Variants in ESYT2 observed in about 807,000 individuals in gnomAD.
The protein encoded by ESYT2 is extended synaptotagmin-2.
ESYT2 carries 54 observed loss-of-function variants against 107.2 expected under a neutral mutation model. That is an observed-to-expected ratio of 0.50 (90% CI 0.40 to 0.63). ESYT2 has a LOEUF of 0.63. Ranked by LOEUF, ESYT2 falls within the 30% of genes least tolerant of loss-of-function variation. The probability of loss-of-function intolerance (pLI) is 0.00; values close to 1 mark genes in which losing one functional copy is unlikely to be tolerated. For missense variants in ESYT2, 1,020 were observed against 1,094.5 expected (o/e 0.93, Z 0.96); for synonymous variants, 491 against 434.1 (o/e 1.13, Z -1.63).
In ESYT2 at chr7:158,754,192, GTTTTGT is replaced by G. The variant is rs555739643; in HGVS notation, c.1420-1355_1420-1350del. On this transcript the variant is annotated intron_variant, in intron 13 of 22. Coordinates refer to ENST00000275418, the MANE Select transcript of ESYT2 (RefSeq NM_001367773.1). The stretch of plus-strand genomic sequence containing the variant: ...GCAGTGGGAGCCACCTGTGTTTTTT[GTTTTGT>G]TTTTATTTATTTATTATTTATATTT... Among the ~76,000 whole-genome samples, 1,154 of 152,004 alleles carry G rather than the reference GTTTTGT, an allele frequency of 7.6e-3. 19 individuals carry two copies. The highest frequency in any genetic ancestry group is 0.026 in the African/African-American group (1,088 of 41,436).
intron 20 of ESYT2, among the ~76,000 whole-genome samples, chr7:158,736,374 T>C (rs1836950665): frequency 6.6e-6 from 1 of 152,226 alleles, no homozygotes; most frequent in East Asian, 1.9e-4. Context: ...ATTATTATCA[T>C]TTCCCAAAAC....
chr7:158,751,883 A>G (rs961840213), intron 14 of ESYT2, among the ~76,000 whole-genome samples: 3 of 152,216 alleles, frequency 2.0e-5, no homozygotes, highest in African/African-American at 7.2e-5. Context: ...TCTGGAGGGC[A>G]CAGTTATTTC....
chr7:158,748,572 C>T (rs2788469), intron 15 of ESYT2, among the ~76,000 whole-genome samples: 104,615 of 151,578 alleles, frequency 0.69, 37,388 homozygotes, highest in Non-Finnish European at 0.78. Context: ...CGTGGCCTGG[C>T]CTCGGTTCTG....
At chr7:158,773,469 GTTTC>G (rs1351734573) in intron 6 of ESYT2, 73 bp from the exon 7 acceptor site, 2 of 1,487,762 alleles carry the variant, frequency 1.3e-6, no homozygotes, top group Non-Finnish European at 1.9e-6. Context: ...ACACAGGCTT[GTTTC>G]TTTGTAGACA....
At chr7:158,738,348 C>A (rs955456823) in intron 19 of ESYT2, among the ~76,000 whole-genome samples, 463 of 28,908 alleles carry the variant, frequency 0.016, 8 homozygotes, top group Admixed American at 0.045. Context: ...CACACAGACA[C>A]ACACACACAC....
intron 6 of ESYT2, among the ~76,000 whole-genome samples, chr7:158,775,254 G>A (rs185494226): frequency 5.9e-5 from 9 of 152,290 alleles, no homozygotes; most frequent in Non-Finnish European, 1.2e-4. Context: ...GCTGGTAGAG[G>A]GTTTTGCCTC....
chr7:158,781,429 G>A (rs894980506), intron 6 of ESYT2, among the ~76,000 whole-genome samples: 2 of 54,602 alleles, frequency 3.7e-5, no homozygotes, highest in Admixed American at 1.8e-4. Context: ...GAACGAGTGA[G>A]AAGTGTGAGT....
At chr7:158,765,663 G>A (rs909747848) in intron 8 of ESYT2, among the ~76,000 whole-genome samples, 1 of 152,144 alleles carries the variant, frequency 6.6e-6, no homozygotes, top group African/African-American at 2.4e-5. Context: ...TTGAACCCAG[G>A]AGGCAGAGCT....
intron 3 of ESYT2, among the ~76,000 whole-genome samples, chr7:158,795,681 T>C (rs1456227684): frequency 6.6e-6 from 1 of 152,266 alleles, no homozygotes; most frequent in Non-Finnish European, 1.5e-5. Flanking sequence ...GACTTTAACC[T>C]GCACTCACAT....
In ESYT2 at chr7:158,829,167, C is replaced by T. The variant is rs1392311640; in HGVS notation, c.252G>A (p.Leu84=). The change falls in exon 1 of 23, where the codon CTG becomes CTA. Residue 84 remains leucine, a synonymous_variant. Coordinates refer to ENST00000275418, the MANE Select transcript of ESYT2 (RefSeq NM_001367773.1). ...CTTCCAGCAGCGCCAGCGCGCGGCACAGGCGCAGGGCCTTGAGGCCGCGGC... is the reference window on the plus strand; with the variant it reads ...CTTCCAGCAGCGCCAGCGCGCGGCATAGGCGCAGGGCCTTGAGGCCGCGGC... ...RRSRGLKALR[L]CRALALLEDE... 5 of 1,551,296 alleles carry T rather than the reference C, an allele frequency of 3.2e-6. 1 individual carries two copies. In the South Asian group the frequency reaches 3.5e-5, roughly 11 times the overall value.
At chr7:158,756,765 C>T (rs758193414) in intron 13 of ESYT2, among the ~76,000 whole-genome samples, 1 of 151,762 alleles carries the variant, frequency 6.6e-6, no homozygotes, top group Non-Finnish European at 1.5e-5. Flanking sequence ...AAAAATTAGC[C>T]AGGCGTCGTG....
chr7:158,814,309 A>C (rs1279589024), intron 1 of ESYT2, among the ~76,000 whole-genome samples: 1 of 7,466 alleles, frequency 1.3e-4, no homozygotes, highest in East Asian at 2.0e-3. Flanking sequence ...ATATATATAT[A>C]TATATATATA....
intron 8 of ESYT2, among the ~76,000 whole-genome samples, chr7:158,767,222 CG>C (rs1388881827): frequency 6.6e-6 from 1 of 152,194 alleles, no homozygotes; most frequent in African/African-American, 2.4e-5. Flanking sequence ...TCAGAGGCAA[CG>C]GAATTCTAAC....
chr7:158,827,672 T>C (rs1052561528), intron 1 of ESYT2: 4 of 152,200 alleles, frequency 2.6e-5, no homozygotes, highest in African/African-American at 9.7e-5. Flanking sequence ...ACTACCTTCT[T>C]CTTGTCTTGG....
chr7:158,828,643 G>A (rs1003259988), intron 1 of ESYT2, among the ~76,000 whole-genome samples: 1 of 152,194 alleles, frequency 6.6e-6, no homozygotes, highest in African/African-American at 2.4e-5. Context: ...CGGAGAAGGG[G>A]ACGCCCGACT....
intron 20 of ESYT2, 99 bp downstream of exon 20, chr7:158,736,949 T>A (rs987405024): frequency 5.8e-5 from 86 of 1,494,458 alleles, no homozygotes; most frequent in Non-Finnish European, 7.6e-5. Context: ...TCTCAACAGC[T>A]GATTTATGTG....
chr7:158,799,743 C>T lies in ESYT2; in HGVS notation c.331-671G>A, dbSNP rs141546917. Among the ~76,000 whole-genome samples, 638 of 152,302 alleles carry T rather than the reference C, an allele frequency of 4.2e-3. 6 individuals are homozygous for T. The highest frequency in any genetic ancestry group is 0.014 in the African/African-American group (580 of 41,560). On this transcript the variant is annotated intron_variant, in intron 1 of 22. Coordinates refer to ENST00000275418, the MANE Select transcript of ESYT2 (RefSeq NM_001367773.1). Reference sequence around the variant, plus strand: ...TTTCCTTACATGGCTCCTCTCCATACCATCATCTCCCACCTTCACCCAGAT... The same window carrying T: ...TTTCCTTACATGGCTCCTCTCCATATCATCATCTCCCACCTTCACCCAGAT...
intron 6 of ESYT2, among the ~76,000 whole-genome samples, chr7:158,781,119 G>C (rs1285585742): frequency 6.6e-6 from 1 of 152,226 alleles, no homozygotes. Context: ...ACAAGTACGA[G>C]AGAACGAGAA....
intron 1 of ESYT2, among the ~76,000 whole-genome samples, chr7:158,800,632 C>A (rs532862007): frequency 6.6e-6 from 1 of 152,318 alleles, no homozygotes; most frequent in South Asian, 2.1e-4. Flanking sequence ...TCAAGCAATC[C>A]TCCTGCCTCA....
Sources: allele counts gnomAD v4.1 joint callset (sites outside exome capture counted in the v4.1 genomes callset), GRCh38; gene constraint gnomAD v4.1.1; transcripts MANE v1.5; gene names NCBI Gene and HGNC (gene_info 2026-07-23, HGNC 2026-07-21).